Variants in THRAP3 observed in about 807,000 individuals in gnomAD.
THRAP3 encodes the protein thyroid hormone receptor associated protein 3.
Under a neutral mutation model 101.0 loss-of-function variants are expected in THRAP3, and 16 were observed. The observed-to-expected ratio is 0.16, with a 90% CI of 0.11 to 0.24. The LOEUF (loss-of-function observed/expected upper bound fraction) is 0.24, where lower values mean the gene tolerates loss of function less well. Ranked by LOEUF, THRAP3 falls within the 10% of genes least tolerant of loss-of-function variation. The probability of loss-of-function intolerance (pLI) is 1.00; values close to 1 mark genes in which losing one functional copy is unlikely to be tolerated. For missense variants in THRAP3, 989 were observed against 1,202.7 expected, an observed-to-expected ratio of 0.82 and a Z score of 2.63; for synonymous variants, 407 against 422.6, an observed-to-expected ratio of 0.96 and a Z score of 0.45.
intron 2 of THRAP3, among the ~76,000 whole-genome samples, chr1:36,270,571 G>GTTT (rs532301363): frequency 9.4e-5 from 3 of 31,868 alleles, no homozygotes; most frequent in Admixed American, 5.4e-4. Flanking sequence ...ATTTGTTTAG[G>GTTT]TTTTTGTTTT....
At position 36,289,274 on chromosome 1, in the gene THRAP3, GAGA is replaced by G. The variant is rs771696506; in HGVS notation, c.1262_1264del (p.Lys421del). 1.7e-5 allele frequency: 27 copies of G among 1,614,004 alleles called. No homozygotes were observed. Among genetic ancestry groups the G allele is most frequent in the Non-Finnish European group, 2.0e-5 (24 of 1,180,000 alleles). ...AAGGTATAAGCTCCGAGATGACTTTGAGAAGAAGATGGCTGACTTCCACAAGGA... is the reference window on the plus strand; with the variant it reads ...AAGGTATAAGCTCCGAGATGACTTTGAGAAGATGGCTGACTTCCACAAGGA... On this transcript the variant is annotated inframe_deletion, in exon 5 of 12. Coordinates refer to ENST00000354618, the MANE Select transcript of THRAP3 (RefSeq NM_005119.4).
the THRAP3 span, among the ~76,000 whole-genome samples, chr1:36,216,528 G>A: frequency 2.0e-5 from 3 of 150,372 alleles, no homozygotes; most frequent in Non-Finnish European, 4.4e-5. Flanking sequence ...AATGCCGGGT[G>A]TGGTGGCTCA....
At chr1:36,257,939 C>G (rs2124481602) in intron 1 of THRAP3, among the ~76,000 whole-genome samples, 1 of 152,314 alleles carries the variant, frequency 6.6e-6, no homozygotes, top group African/African-American at 2.4e-5. Context: ...TTCCCGAGTT[C>G]AAGGGATTCT....
chr1:36,231,806 A>G (rs1645030766), intron 1 of THRAP3, among the ~76,000 whole-genome samples: 2 of 152,198 alleles, frequency 1.3e-5, no homozygotes, highest in South Asian at 4.1e-4. Flanking sequence ...ACTATGTCCT[A>G]GAGTCTTGAC....
Position 36,292,610 on chromosome 1 carries a change from G to A in THRAP3, c.1931G>A (p.Gly644Glu), listed in dbSNP as rs199667570. The change falls in exon 7 of 12, where the codon GGG becomes GAG. Residue 644 changes from glycine (G) to glutamate (E), a missense_variant. Coordinates refer to ENST00000354618, the MANE Select transcript of THRAP3 (RefSeq NM_005119.4). ...IVHHVKEHHF[G>E]SSGMTLHERF... ...TTAATCCCAACAGAGCATCACTTTGGGTCCTCAGGAATGACATTACATGAA... is the reference window on the plus strand; with the variant it reads ...TTAATCCCAACAGAGCATCACTTTGAGTCCTCAGGAATGACATTACATGAA... 5.0e-6 allele frequency: 8 copies of A among 1,612,718 alleles called. No individual in the cohort carries two copies. Among genetic ancestry groups the A allele is most frequent in the Non-Finnish European group, 4.2e-6 (5 of 1,179,412 alleles).
At chr1:36,279,041 CA>C (rs1217286313) in intron 2 of THRAP3, among the ~76,000 whole-genome samples, 3 of 152,208 alleles carry the variant, frequency 2.0e-5, no homozygotes, top group African/African-American at 7.2e-5. Flanking sequence ...CACAGTATTG[CA>C]GCTCTTGAGT....
chr1:36,230,370 G>A (rs1164383619), intron 1 of THRAP3, among the ~76,000 whole-genome samples: 1 of 151,878 alleles, frequency 6.6e-6, no homozygotes, highest in Non-Finnish European at 1.5e-5. Flanking sequence ...CGCCCGCTTC[G>A]GCCTCCCAAA....
Position 36,296,584 on chromosome 1 carries a change from C to A in THRAP3, c.2117C>A (p.Ala706Asp). The A allele has an allele frequency of 6.5e-7, 1 of 1,545,248 alleles. No homozygotes were observed. Among genetic ancestry groups the A allele is most frequent in the Non-Finnish European group, 8.7e-7 (1 of 1,152,030 alleles). ...MKSPREPGYKAEGKYKDDPVD... is the reference protein window; with the variant it reads ...MKSPREPGYKDEGKYKDDPVD... ...TAATTTTGGCTTATCTTTTGATAGG[C>A]TGAGGGAAAATACAAAGATGATCCT... The change falls in exon 9 of 12, where the codon GCT becomes GAT. Residue 706 changes from alanine to aspartate, a missense_variant and splice_region_variant. Transcript: ENST00000354618.
rs1047356355 is a variant in THRAP3 at position 36,288,351 on chromosome 1, T to C, written c.1041-709T>C. On this transcript the variant is annotated intron_variant, in intron 4 of 11. Coordinates refer to ENST00000354618, the MANE Select transcript of THRAP3 (RefSeq NM_005119.4). The stretch of plus-strand genomic sequence containing the variant: ...TTCCCAAAGTTCATTATGTCATTCT[T>C]ATGCCTTTGGGTCCTCATAGTGTAG... 5 of 970,546 alleles carry C rather than the reference T, an allele frequency of 5.2e-6. No individual in the cohort carries two copies. The African/African-American group carries it at 8.8e-5, about 17-fold the overall frequency. 60.1% of individuals were successfully genotyped at this position (970,546 alleles called of 1,614,324 possible). A position where few individuals can be genotyped will look rare whatever the true frequency, so the allele number is the denominator to read the frequency against.
intron 1 of THRAP3, among the ~76,000 whole-genome samples, chr1:36,229,943 C>G (rs546570029): frequency 7.2e-6 from 1 of 138,442 alleles, no homozygotes; most frequent in African/African-American, 2.6e-5. Context: ...TGAGCCATCG[C>G]GCCCAGCCTT....
chr1:36,236,587 C>T (rs1417855035), intron 1 of THRAP3, among the ~76,000 whole-genome samples: 1 of 152,152 alleles, frequency 6.6e-6, no homozygotes, highest in East Asian at 1.9e-4. Context: ...TAAGCTACCA[C>T]TGCACCAGTC....
intron 3 of THRAP3, among the ~76,000 whole-genome samples, chr1:36,283,548 T>C (rs1645759327): frequency 6.6e-6 from 1 of 152,194 alleles, no homozygotes; most frequent in Admixed American, 6.5e-5. Context: ...TCTTTGTACA[T>C]TTTCATTCTT....
Position 36,282,599 on chromosome 1 carries a change from C to T in THRAP3, c.36C>T (p.Arg12=). Residue 12 remains arginine (R), a synonymous_variant, in exon 3 of 12, where the codon CGC becomes CGT. Transcript: ENST00000354618. The part of the protein sequence containing the change: ...SKTNKSKSGS[R]SSRSRSASRS... ...CAAACAAATCCAAGTCTGGATCTCG[C>T]TCTTCTCGCTCAAGATCTGCATCAA... 1 of 1,614,054 alleles carries T rather than the reference C, an allele frequency of 6.2e-7. No homozygotes were observed.
At chr1:36,262,959 ATTTTT>A (rs55662646) in intron 2 of THRAP3, among the ~76,000 whole-genome samples, 45 of 104,360 alleles carry the variant, frequency 4.3e-4, no homozygotes, top group African/African-American at 1.1e-3. Context: ...GGGCCGGCTA[ATTTTT>A]TTTTTTTTTT....
At chr1:36,234,808 T>G (rs1257771495) in intron 1 of THRAP3, among the ~76,000 whole-genome samples, 1 of 44,136 alleles carries the variant, frequency 2.3e-5, no homozygotes, top group Non-Finnish European at 4.0e-5. Context: ...TGTTTCAGTC[T>G]TTTTTTTTTT....
intron 1 of THRAP3, among the ~76,000 whole-genome samples, chr1:36,239,656 C>T (rs1349734793): frequency 6.6e-6 from 1 of 152,126 alleles, no homozygotes; most frequent in Non-Finnish European, 1.5e-5. Context: ...TGTATTCTAG[C>T]AGGGATGGCA....
At chr1:36,231,272 A>G (rs1178345474) in intron 1 of THRAP3, among the ~76,000 whole-genome samples, 1 of 152,170 alleles carries the variant, frequency 6.6e-6, no homozygotes, top group Non-Finnish European at 1.5e-5. Flanking sequence ...CAAAACACTG[A>G]ATTACTTTGT....
chr1:36,208,966 C>CT, the THRAP3 span, among the ~76,000 whole-genome samples: 467 of 51,898 alleles, frequency 9.0e-3, 76 homozygotes, highest in Middle Eastern at 0.024. Flanking sequence ...CATGTCCAGC[C>CT]TTTTTTTTTT....
In THRAP3 at chr1:36,289,753, G is replaced by A. The variant is rs372168318; in HGVS notation, c.1734G>A (p.Glu578=). The A allele has an allele frequency of 2.6e-5, 41 of 1,607,020 alleles. No individual in the cohort carries two copies. The Middle Eastern group carries it at 6.6e-4, about 26-fold the overall frequency. The change falls in exon 5 of 12, where the codon GAG becomes GAA. Residue 578 remains glutamate, a synonymous_variant. Transcript: ENST00000354618. ...ATGTCCGGATGGACTCTTTTGATGA[G>A]GACCTCGCACGGTGAGATATGCTCC... ...QVNVRMDSFD[E]DLARPSGLLA... is the part of the protein sequence containing the mutation.
Sources: allele counts gnomAD v4.1 joint callset (sites outside exome capture counted in the v4.1 genomes callset), GRCh38; gene constraint gnomAD v4.1.1; transcripts MANE v1.5; gene names NCBI Gene and HGNC (gene_info 2026-07-23, HGNC 2026-07-21).